The following PTPN23 variants were observed in gnomAD, a reference collection of about 807,000 sequenced individuals.
PTPN23 encodes protein tyrosine phosphatase non-receptor type 23, also known as tyrosine-protein phosphatase non-receptor type 23.
PTPN23 carries 72 observed loss-of-function variants against 156.3 expected under a neutral mutation model. The ratio of observed to expected loss-of-function variants is 0.46; its 90% CI spans 0.38 to 0.56. PTPN23 has a LOEUF of 0.56. Ranked by LOEUF, PTPN23 falls within the 20% of genes least tolerant of loss-of-function variation. The pLI is 0.00. For synonymous variants in PTPN23, 957 were observed against 899.6 expected (o/e 1.06, Z -1.14); for missense variants, 1,974 against 2,171.5 (o/e 0.91, Z 1.81).
At position 47,407,075 on chromosome 3, in the gene PTPN23, G is replaced by C; in HGVS notation, c.808-55G>C. 6.2e-7 allele frequency: 1 copy of C among 1,609,878 alleles called. No individual in the cohort carries two copies. The highest frequency in any genetic ancestry group is 8.5e-7 in the Non-Finnish European group (1 of 1,176,874). Reference sequence around the variant, plus strand: ...GGCAGGGCCGGGTGGGAGGCAGGAGGAGAAAGGGTCCAAGCAGAGGAGGAC... The same window carrying C: ...GGCAGGGCCGGGTGGGAGGCAGGAGCAGAAAGGGTCCAAGCAGAGGAGGAC... On this transcript the variant is annotated intron_variant, in intron 9 of 24. Coordinates refer to ENST00000265562, the MANE Select transcript of PTPN23 (RefSeq NM_015466.4). This position sits in a 1 kb window ranked among gnomAD's most constrained non-coding sequence, Gnocchi z 4.0.
At chr3:47,394,842 G>T (rs1704846205) in intron 1 of PTPN23, among the ~76,000 whole-genome samples, 3 of 152,288 alleles carry the variant, frequency 2.0e-5, no homozygotes, top group Non-Finnish European at 4.4e-5. Context: ...AGTGACCTCA[G>T]AGTTGTGCTA....
rs1253841531 is a variant in PTPN23, at chr3:47,384,630, A to G, written c.84+3450A>G. 3.3e-5 allele frequency among the ~76,000 whole-genome samples: 5 copies of G among 152,122 alleles called. No individual in the cohort carries two copies. The South Asian group carries it at 6.2e-4, about 19-fold the overall frequency. On this transcript the variant is annotated intron_variant, in intron 1 of 24. Coordinates refer to ENST00000265562, the MANE Select transcript of PTPN23 (RefSeq NM_015466.4). ...GGGCTGGGCTTTTGACAAATCTTTC[A>G]TGGTGGCTAGTATTGATTTTCACTC...
Position 47,406,074 on chromosome 3 carries a change from G to A in PTPN23, c.546+28G>A, listed in dbSNP as rs767527019. On this transcript the variant is annotated intron_variant, in intron 6 of 24. Coordinates refer to ENST00000265562, the MANE Select transcript of PTPN23 (RefSeq NM_015466.4). The surrounding 1 kb of genome is among the most constrained non-coding windows in gnomAD (Gnocchi z 5.8). ...GAGGAGGCGCCCTGGTTGGAGTGGA[G>A]TTGAATCCAGGGAAGGGGATGGCCA... 38 of 1,607,378 alleles carry A rather than the reference G, an allele frequency of 2.4e-5. No individual in the cohort carries two copies. In the Admixed American group the frequency reaches 6.1e-4, roughly 26 times the overall value.
chr3:47,409,385 G>C (rs373753714), intron 17 of PTPN23, 32 bp from the exon 18 acceptor site: 2 of 1,613,676 alleles, frequency 1.2e-6, no homozygotes, highest in Non-Finnish European at 1.7e-6. Context: ...GAGGCCCTGA[G>C]TGTCCGTCCC....
chr3:47,384,787 A>C (rs1428959053), intron 1 of PTPN23, among the ~76,000 whole-genome samples: 3 of 148,038 alleles, frequency 2.0e-5, no homozygotes, highest in Non-Finnish European at 3.0e-5. Context: ...TTTTAGATGG[A>C]GTTTTGCTTT....
intron 2 of PTPN23, among the ~76,000 whole-genome samples, chr3:47,403,274 G>A (rs1350008658): frequency 1.3e-5 from 2 of 151,772 alleles, no homozygotes; most frequent in East Asian, 1.9e-4. Context: ...GGATGGTCTC[G>A]ATCTCCTGAC....
intron 2 of PTPN23, among the ~76,000 whole-genome samples, chr3:47,400,257 C>T (rs1333587270): frequency 6.6e-6 from 1 of 152,210 alleles, no homozygotes; most frequent in Non-Finnish European, 1.5e-5. Context: ...TCTGTAAAAC[C>T]AGGGTTTGAA....
chr3:47,405,826 G>A lies in PTPN23; in HGVS notation c.414+28G>A, dbSNP rs376923604. On this transcript the variant is annotated intron_variant, in intron 5 of 24. Transcript: ENST00000265562. The surrounding 1 kb of genome is among the most constrained non-coding windows in gnomAD (Gnocchi z 4.7). ...GAGGAGAGGGGCAGTAGTGGAACAT[G>A]TGGACATACCAGGGAGGGGCAGCCT... The A allele has an allele frequency of 6.9e-6, 11 of 1,589,436 alleles. No individual in the cohort carries two copies. In the African/African-American group the frequency reaches 1.2e-4, roughly 17 times the overall value.
intron 2 of PTPN23, among the ~76,000 whole-genome samples, chr3:47,399,955 G>A (rs1057311305): frequency 1.3e-5 from 2 of 152,088 alleles, no homozygotes; most frequent in African/African-American, 4.8e-5. Flanking sequence ...CCTGGGACAA[G>A]TATGCACCAC....
rs56896052 is a variant in PTPN23, at chr3:47,384,455, C to CAAAAA, written c.84+3291_84+3295dup. ...CCTGGGTGATAGAGCGAGACTGTCT[C>CAAAAA]AAAAAAAAAAAAAAAAAAAAGAGTA... On this transcript the variant is annotated intron_variant, in intron 1 of 24. Transcript: ENST00000265562. Among the ~76,000 whole-genome samples, 135 of 77,146 alleles carry CAAAAA rather than the reference C, an allele frequency of 1.7e-3. 7 individuals carry two copies. Among genetic ancestry groups the CAAAAA allele is most frequent in the Middle Eastern group, 8.1e-3 (1 of 124 alleles). 50.6% of individuals were successfully genotyped at this position (77,146 alleles called of 152,430 possible).
At chr3:47,394,421 T>C (rs554734420) in intron 1 of PTPN23, among the ~76,000 whole-genome samples, 1 of 152,328 alleles carries the variant, frequency 6.6e-6, no homozygotes, top group East Asian at 1.9e-4. Flanking sequence ...TAGGCATTGA[T>C]ACCTGAGAGC....
At chr3:47,390,340 G>A (rs1305229506) in intron 1 of PTPN23, among the ~76,000 whole-genome samples, 4 of 152,114 alleles carry the variant, frequency 2.6e-5, no homozygotes, top group Admixed American at 2.6e-4. Flanking sequence ...CTCGGTGGCT[G>A]TGATCCCTGG....
At position 47,389,331 on chromosome 3, in the gene PTPN23, C is replaced by T. The variant is rs561844557; in HGVS notation, c.85-6812C>T. ...ACACATGAAAAAAGCCAAGCCTAGG[C>T]TGGGCATGGTGACTCATGCCTGTAA... is the stretch of plus-strand genomic sequence containing the variant. On this transcript the variant is annotated intron_variant, in intron 1 of 24. Coordinates refer to ENST00000265562, the MANE Select transcript of PTPN23 (RefSeq NM_015466.4). Among the ~76,000 whole-genome samples, 20 of 152,314 alleles carry T rather than the reference C, an allele frequency of 1.3e-4. 1 individual carries two copies. The South Asian group carries it at 4.1e-3, about 32-fold the overall frequency.
In PTPN23 at chr3:47,411,393, C is replaced by T; in HGVS notation, c.3595C>T (p.Gln1199Ter). 1 of 1,613,038 alleles carries T rather than the reference C, an allele frequency of 6.2e-7. No homozygotes were observed. Among genetic ancestry groups the T allele is most frequent in the Non-Finnish European group, 8.5e-7 (1 of 1,180,020 alleles). ...GALDTVWREL[Q>*]DAQEHDARGR... ...TCTGGACACTGTCTGGCGAGAGCTG[C>T]AAGATGCGCAGGAACATGATGCCCG... The change falls in exon 20 of 25, where the codon CAA becomes TAA. Residue 1199 changes from glutamine to a stop codon, truncating the protein, a stop_gained. Transcript: ENST00000265562. LOFTEE classifies it high-confidence loss of function. The surrounding 1 kb of genome is among the most constrained non-coding windows in gnomAD (Gnocchi z 6.3).
At chr3:47,383,511 C>T (rs947513238) in intron 1 of PTPN23, among the ~76,000 whole-genome samples, 3 of 152,216 alleles carry the variant, frequency 2.0e-5, no homozygotes, top group Non-Finnish European at 4.4e-5. Context: ...TGAGAAGCAT[C>T]TCTGTGTTCC....
chr3:47,393,874 G>A (rs902379664), intron 1 of PTPN23, among the ~76,000 whole-genome samples: 7 of 151,358 alleles, frequency 4.6e-5, no homozygotes, highest in African/African-American at 1.7e-4. Flanking sequence ...TGAGTAGCTG[G>A]GACTACAGGC....
chr3:47,390,789 G>C (rs540617199), intron 1 of PTPN23, among the ~76,000 whole-genome samples: 58 of 152,300 alleles, frequency 3.8e-4, no homozygotes, highest in Admixed American at 8.5e-4. Context: ...CTGACTCACT[G>C]TGTGGCCAGG....
rs1449908906 is a variant in PTPN23 at position 47,398,525 on chromosome 3, A to G, written c.159+2308A>G. ...TGTGTGTTTTTGATTGTTGTAGGCT[A>G]CCCCTGTGCCAAGAATCAGCCTGAA... On this transcript the variant is annotated intron_variant, in intron 2 of 24. Coordinates refer to ENST00000265562, the MANE Select transcript of PTPN23 (RefSeq NM_015466.4). Among the ~76,000 whole-genome samples the G allele has an allele frequency of 3.3e-5, 5 of 150,208 alleles. 1 individual carries two copies. The South Asian group carries it at 6.3e-4, about 19-fold the overall frequency.
intron 19 of PTPN23, 33 bp downstream of exon 19, chr3:47,409,867 G>T: frequency 1.3e-6 from 2 of 1,595,158 alleles, no homozygotes; most frequent in South Asian, 2.2e-5. Flanking sequence ...GGTGCGGCTC[G>T]GGTCCAGACA....
Sources: gnomAD v4.1 joint callset for allele counts (sites outside exome capture counted in the v4.1 genomes callset) on GRCh38, gnomAD v4.1.1 for gene constraint, Gnocchi (gnomAD v3.1) non-coding constraint, MANE v1.5 for transcripts, NCBI Gene and HGNC (gene_info 2026-07-23, HGNC 2026-07-21) for gene names.